CHRD: variants seen among roughly 807,000 people sequenced by gnomAD.
The protein encoded by CHRD is chordin.
CHRD carries 69 observed loss-of-function variants against 113.7 expected under a neutral mutation model. The ratio of observed to expected loss-of-function variants is 0.61; its 90% confidence interval spans 0.50 to 0.74. The LOEUF is 0.74. Ranked by LOEUF, CHRD falls within the 30% of genes least tolerant of loss-of-function variation. CHRD has a pLI of 0.00. For missense variants in CHRD, 1,194 were observed against 1,295.8 expected, an observed-to-expected ratio of 0.92 and a Z score of 1.21; for synonymous variants, 561 against 540.8, an observed-to-expected ratio of 1.04 and a Z score of -0.52.
rs142618898 is a variant in CHRD, at chr3:184,382,509, C to G, written c.820C>G (p.Arg274Gly). The G allele has an allele frequency of 4.5e-5, 72 of 1,613,832 alleles. No homozygotes were observed. Among genetic ancestry groups the G allele is most frequent in the Non-Finnish European group, 5.7e-5 (67 of 1,180,024 alleles). ...AGGGGAGGTCTGGGGGCCTCTCATC[C>G]GGCACCGGGCCCTGGCTGCAGGTAG... The change falls in exon 7 of 23, where the codon CGG becomes GGG. Residue 274 changes from arginine to glycine, a missense_variant. By Grantham distance (125) the Arg-to-Gly change is moderately radical. Transcript: ENST00000204604.
downstream of CHRD, chr3:184,390,211 CCCCT>C (rs1716966331): frequency 1.1e-5 from 1 of 88,620 alleles, no homozygotes; most frequent in Admixed American, 1.3e-4. Context: ...CCCCTCCCCT[CCCCT>C]CCCCTCCCCT....
exon 23 of CHRD, chr3:184,389,456 G>A (rs1199478523): frequency 1.2e-6 from 2 of 1,601,944 alleles, no homozygotes; most frequent in South Asian, 2.2e-5. Flanking sequence ...CCAAGAGGAT[G>A]GGGCCTGAGC....
chr3:184,386,416 T>A, intron 15 of CHRD, 76 bp from the exon 16 acceptor site: 2 of 1,515,268 alleles, frequency 1.3e-6, no homozygotes, highest in Non-Finnish European at 1.8e-6. Context: ...AGGTGTCTCC[T>A]GCTGGCTGGC....
chr3:184,388,985 C>T lies in CHRD; in HGVS notation c.2802C>T (p.Ala934=), dbSNP rs746783935. Reference sequence around the variant, plus strand: ...GTCGATGCTGTTCCCGCTGCACGGCCCACCGGCGGCGTAAGTGAGGGAGTC... The same window carrying T: ...GTCGATGCTGTTCCCGCTGCACGGCTCACCGGCGGCGTAAGTGAGGGAGTC... Residue 934 remains alanine (A), a synonymous_variant, in exon 22 of 23, where the codon GCC becomes GCT. Transcript: ENST00000204604. The surrounding 1 kb of genome is among the most constrained non-coding windows in gnomAD (Gnocchi z 6.1). The T allele has an allele frequency of 1.4e-5, 22 of 1,609,652 alleles. No individual in the cohort carries two copies. The highest frequency in any genetic ancestry group is 5.0e-5 in the Admixed American group (3 of 59,978).
Position 184,387,741 on chromosome 3 carries a change from T to C in CHRD, c.2452-190T>C, listed in dbSNP as rs891508317. ...CCCTGAGCCTCACTTTCCTCTCCTG[T>C]AAGCAGATATGATGGCACCTACCTT... On this transcript the variant is annotated intron_variant, in intron 19 of 22. Transcript: ENST00000204604. The surrounding 1 kb of genome is among the most constrained non-coding windows in gnomAD (Gnocchi z 6.1). Among the ~76,000 whole-genome samples the C allele has an allele frequency of 1.3e-4, 20 of 152,156 alleles. No homozygotes were observed. The highest frequency in any genetic ancestry group is 4.3e-4 in the African/African-American group (18 of 41,440).
intron 8 of CHRD, 31 bp from the exon 9 acceptor site, chr3:184,382,825 C>T (rs749289856): frequency 2.6e-5 from 42 of 1,612,208 alleles, no homozygotes; most frequent in African/African-American, 6.7e-5. Context: ...GAGCACCTGT[C>T]TCAGAAAGGC....
Position 184,387,698 on chromosome 3 carries a change from A to G in CHRD, c.2451+221A>G, listed in dbSNP as rs769507428. Among the ~76,000 whole-genome samples the G allele has an allele frequency of 6.6e-6, 1 of 152,090 alleles. No homozygotes were observed. The highest frequency in any genetic ancestry group is 1.5e-5 in the Non-Finnish European group (1 of 67,990). On this transcript the variant is annotated intron_variant, in intron 19 of 22. Coordinates refer to ENST00000204604, the Ensembl canonical transcript of CHRD. This position sits in a 1 kb window ranked among gnomAD's most constrained non-coding sequence, Gnocchi z 6.1. ...CTCTGCCAGCTAACTAGTGCCAGTG[A>G]CCCTAGGCACCTTCTGTCCCTGAGC...
chr3:184,381,369 G>A lies in CHRD; in HGVS notation c.382+5G>A. ...GCTGCCAGACCTGCCCCCAGGGTAAGTCTTGCTCCGCCCTGCGGGGAGGGA... is the reference window on the plus strand; with the variant it reads ...GCTGCCAGACCTGCCCCCAGGGTAAATCTTGCTCCGCCCTGCGGGGAGGGA... On this transcript the variant is annotated splice_donor_5th_base_variant and intron_variant, in intron 3 of 22. Coordinates refer to ENST00000204604, the Ensembl canonical transcript of CHRD. This position sits in a 1 kb window ranked among gnomAD's most constrained non-coding sequence, Gnocchi z 4.7. 1 of 1,589,334 alleles carries A rather than the reference G, an allele frequency of 6.3e-7. No homozygotes were observed. The highest frequency in any genetic ancestry group is 8.6e-7 in the Non-Finnish European group (1 of 1,168,072).
At chr3:184,382,490 G>T in exon 7 of CHRD, 1 of 1,614,084 alleles carries the variant, frequency 6.2e-7, no homozygotes, top group South Asian at 1.1e-5. Flanking sequence ...CTTCAGGGGA[G>T]GTCTGGGGGC....
intron 15 of CHRD, 97 bp from the exon 16 acceptor site, chr3:184,386,395 T>C: frequency 6.7e-7 from 1 of 1,484,708 alleles, no homozygotes; most frequent in Non-Finnish European, 9.0e-7. Context: ...ACTGCAGCGC[T>C]CAGGGGGCCG....
In CHRD at chr3:184,383,655, G is replaced by A; in HGVS notation, c.1440+13G>A. On this transcript the variant is annotated intron_variant, in intron 12 of 22. Transcript: ENST00000204604. ...AGGAGGACACACGGTGAGGGCTCCA[G>A]GTGGAGCTGGACCCCAGGGCCCAAT... 1.9e-6 allele frequency: 3 copies of A among 1,598,540 alleles called. No individual in the cohort carries two copies. The highest frequency in any genetic ancestry group is 2.6e-6 in the Non-Finnish European group (3 of 1,171,612).
In CHRD at chr3:184,386,749, C is replaced by T. The variant is rs770624826; in HGVS notation, c.2190C>T (p.Thr730=). Residue 730 remains threonine, a synonymous_variant, in exon 16 of 23, where the codon ACC becomes ACT. Transcript: ENST00000204604. ...ACGACCCGCTCTGCTCACTCTGCAC[C>T]TGCCAGGTAGGAGGTCCTGGAAGGG... 8.7e-6 allele frequency: 14 copies of T among 1,612,982 alleles called. No individual in the cohort carries two copies. The South Asian group carries it at 1.5e-4, about 18-fold the overall frequency.
chr3:184,384,857 C>T lies in CHRD; in HGVS notation c.1598-161C>T. 1 of 1,209,386 alleles carries T rather than the reference C, an allele frequency of 8.3e-7. No homozygotes were observed. Among genetic ancestry groups the T allele is most frequent in the Non-Finnish European group, 1.2e-6 (1 of 867,804 alleles). The allele number at this position is 1,209,386 out of a possible 1,614,324, so 74.9% of individuals were successfully genotyped here. A position where few individuals can be genotyped will look rare whatever the true frequency, so the allele number is the denominator to read the frequency against. ...CCCTGCTGGCGGACTCTTCCTGTTGCTGAGGTTCAAGGGTCTAAAACTTGC... is the reference window on the plus strand; with the variant it reads ...CCCTGCTGGCGGACTCTTCCTGTTGTTGAGGTTCAAGGGTCTAAAACTTGC... On this transcript the variant is annotated intron_variant, in intron 13 of 22. Transcript: ENST00000204604. This position sits in a 1 kb window ranked among gnomAD's most constrained non-coding sequence, Gnocchi z 4.4.
Position 184,384,582 on chromosome 3 carries a change from C to G in CHRD, c.1486C>G (p.Leu496Val). The G allele has an allele frequency of 6.2e-7, 1 of 1,605,850 alleles. No homozygotes were observed. The highest frequency in any genetic ancestry group is 8.5e-7 in the Non-Finnish European group (1 of 1,176,356). The stretch of plus-strand genomic sequence containing the variant: ...GCTGGGTGCCCGAGGGGCTCATATG[C>G]TGCTGCAGAATGAGCTCTTCCTGAA... Residue 496 changes from leucine to valine, a missense_variant, in exon 13 of 23, where the codon CTG (leucine) becomes GTG (valine). By Grantham distance (32) the Leu-to-Val change is conservative (BLOSUM62 1). Coordinates refer to ENST00000204604, the Ensembl canonical transcript of CHRD. This position sits in a 1 kb window ranked among gnomAD's most constrained non-coding sequence, Gnocchi z 4.4.
intron 16 of CHRD, 25 bp downstream of exon 16, chr3:184,386,780 T>TG (rs1425193033): frequency 1.2e-6 from 2 of 1,613,540 alleles, no homozygotes; most frequent in Non-Finnish European, 1.7e-6. Context: ...AAGGGCACAC[T>TG]GGGTCCTGGG....
Position 184,380,577 on chromosome 3 carries a change from A to G in CHRD, c.148+111A>G. 9.7e-7 allele frequency: 1 copy of G among 1,032,328 alleles called. No homozygotes were observed. Among genetic ancestry groups the G allele is most frequent in the Non-Finnish European group, 1.2e-6 (1 of 825,706 alleles). 63.9% of individuals were successfully genotyped at this position (1,032,328 alleles called of 1,614,324 possible). A position where few individuals can be genotyped will look rare whatever the true frequency, so the allele number is the denominator to read the frequency against. On this transcript the variant is annotated intron_variant, in intron 1 of 22. Transcript: ENST00000204604. This position sits in a 1 kb window ranked among gnomAD's most constrained non-coding sequence, Gnocchi z 6.3. ...TGGCTCGGCGCGGCGGGCGGCCCGG[A>G]GGGTGGGCGGGGGCAGAAGGGCGCG...
At position 184,388,767 on chromosome 3, in the gene CHRD, G is replaced by A. The variant is rs1424694189; in HGVS notation, c.2709+26G>A. ...GTAAGTGGGGAGCAGAGGCTTGTGT[G>A]AGGTGGGTACTGGGAGCCTGGTCTG... On this transcript the variant is annotated intron_variant, in intron 21 of 22. Coordinates refer to ENST00000204604, the Ensembl canonical transcript of CHRD. The surrounding 1 kb of genome is among the most constrained non-coding windows in gnomAD (Gnocchi z 6.1). The A allele has an allele frequency of 1.2e-6, 2 of 1,612,798 alleles. No homozygotes were observed. Among genetic ancestry groups the A allele is most frequent in the Admixed American group, 3.3e-5 (2 of 59,966 alleles).
chr3:184,383,111 C>A (rs1488611802), exon 10 of CHRD: 2 of 1,609,950 alleles, frequency 1.2e-6, no homozygotes, highest in South Asian at 2.2e-5. Context: ...AGTGGGCAGG[C>A]AGGCCAGGGC....
intron 14 of CHRD, among the ~76,000 whole-genome samples, 198 bp from the exon 15 acceptor site, chr3:184,385,848 C>A (rs1017372202): frequency 6.6e-6 from 1 of 151,838 alleles, no homozygotes; most frequent in African/African-American, 2.4e-5. Context: ...ATGGACTAAG[C>A]CCTTCAAGTG....
Sources: allele counts gnomAD v4.1 joint callset (sites outside exome capture counted in the v4.1 genomes callset), GRCh38; gene constraint gnomAD v4.1.1; non-coding constraint Gnocchi (gnomAD v3.1); transcripts MANE v1.5; gene names NCBI Gene and HGNC (gene_info 2026-07-23, HGNC 2026-07-21).